The following PDE2A variants were observed in gnomAD, a reference collection of about 807,000 sequenced individuals.
PDE2A encodes phosphodiesterase 2A, also known as cGMP-dependent 3',5'-cyclic phosphodiesterase.
A neutral mutation model predicts 133.6 loss-of-function variants in PDE2A; 53 were observed. The ratio of observed to expected loss-of-function variants is 0.40; its 90% CI spans 0.32 to 0.50. The LOEUF is 0.50. PDE2A is among the 20% of genes least tolerant of loss of function. PDE2A has a pLI of 0.73. For missense variants in PDE2A, 796 were observed against 1,232.4 expected (o/e 0.65, Z 5.30); for synonymous variants, 491 against 490.2 (o/e 1.00, Z -0.02).
chr11:72,601,323 C>A (rs1341917696), intron 4 of PDE2A, among the ~76,000 whole-genome samples: 1 of 140,762 alleles, frequency 7.1e-6, no homozygotes, highest in African/African-American at 2.7e-5. Context: ...GTCACTGGGC[C>A]CCCATCCCCT....
chr11:72,653,317 A>G (rs368594647), intron 1 of PDE2A, among the ~76,000 whole-genome samples: 6 of 152,324 alleles, frequency 3.9e-5, no homozygotes, highest in African/African-American at 1.4e-4. Flanking sequence ...ATAGAGAAAA[A>G]CAAAGGGAGT....
rs367883796 is a variant in PDE2A at position 72,589,172 on chromosome 11, T to C, written c.939+3A>G. The C allele has an allele frequency of 1.9e-6, 3 of 1,612,624 alleles. No homozygotes were observed. The African/African-American group carries it at 4.0e-5, about 22-fold the overall frequency. On this transcript the variant is annotated splice_donor_region_variant and intron_variant, in intron 12 of 30. Transcript: ENST00000334456. ...CCTCTGGGTCAGCCAGGCCATGACT[T>C]ACGGAGGTGAGGTCCTTCAGCTGGA...
At chr11:72,636,290 A>C (rs1383772370) in intron 2 of PDE2A, among the ~76,000 whole-genome samples, 1 of 152,248 alleles carries the variant, frequency 6.6e-6, no homozygotes, top group East Asian at 1.9e-4. Context: ...ACATTAGAAC[A>C]ATCACGCATG....
In PDE2A at chr11:72,590,059, G is replaced by T; in HGVS notation, c.757-78C>A. 1 of 1,422,386 alleles carries T rather than the reference G, an allele frequency of 7.0e-7. No individual in the cohort carries two copies. The highest frequency in any genetic ancestry group is 9.7e-7 in the Non-Finnish European group (1 of 1,033,092). The allele number at this position is 1,422,386 out of a possible 1,614,324, so 88.1% of individuals were successfully genotyped here. A position where few individuals can be genotyped will look rare whatever the true frequency, so the allele number is the denominator to read the frequency against. ...ACTCCCCACCTGCTCCCCTCTCCGG[G>T]GCTCTTCAGGCGGGTGGAGGAGAGA... On this transcript the variant is annotated intron_variant, in intron 9 of 30. Transcript: ENST00000334456. This position sits in a 1 kb window ranked among gnomAD's most constrained non-coding sequence, Gnocchi z 4.8.
chr11:72,674,267 G>T lies in PDE2A; in HGVS notation c.-60C>A. ...GGTGGCACCTCGCCCTGTCCCCGCT[G>T]CCTGGAGTTCAGGGCAGGGCACCCC... On this transcript the variant is annotated 5_prime_UTR_variant, in exon 1 of 31. Coordinates refer to ENST00000334456, the MANE Select transcript of PDE2A (RefSeq NM_002599.5). The T allele has an allele frequency of 1.9e-6, 3 of 1,539,194 alleles. No homozygotes were observed. The highest frequency in any genetic ancestry group is 1.8e-6 in the Non-Finnish European group (2 of 1,137,308).
At chr11:72,674,080 C>T in intron 1 of PDE2A, 57 bp downstream of exon 1, 2 of 1,553,382 alleles carry the variant, frequency 1.3e-6, no homozygotes, top group Non-Finnish European at 1.8e-6. Flanking sequence ...ACTCCCAGGA[C>T]CCTGTCTGTG....
At chr11:72,662,102 G>A (rs1855084170) in intron 1 of PDE2A, among the ~76,000 whole-genome samples, 1 of 152,196 alleles carries the variant, frequency 6.6e-6, no homozygotes, top group Admixed American at 6.5e-5. Context: ...TTGTATGTTT[G>A]TGGCCAGGTC....
chr11:72,658,119 T>TTC (rs1854949239), intron 1 of PDE2A: 1 of 456,128 alleles, frequency 2.2e-6, no homozygotes, highest in Non-Finnish European at 4.4e-6. Flanking sequence ...GCCGGATGTC[T>TTC]TCTCAGCTAA....
At chr11:72,660,535 CTCATTTAA>C in intron 1 of PDE2A, among the ~76,000 whole-genome samples, 1 of 152,148 alleles carries the variant, frequency 6.6e-6, no homozygotes, top group African/African-American at 2.4e-5. Flanking sequence ...CACACTGTGT[CTCATTTAA>C]TCCTCATGGC....
At chr11:72,665,077 G>C (rs1855195590) in intron 1 of PDE2A, among the ~76,000 whole-genome samples, 1 of 152,018 alleles carries the variant, frequency 6.6e-6, no homozygotes, top group African/African-American at 2.4e-5. Context: ...AAGTGCTTGG[G>C]TTACAGGCGC....
chr11:72,615,479 G>A (rs566442911), intron 2 of PDE2A, among the ~76,000 whole-genome samples: 7 of 152,336 alleles, frequency 4.6e-5, no homozygotes, highest in African/African-American at 1.7e-4. Context: ...CAGGAAAGGA[G>A]GGAACAGTCA....
chr11:72,647,946 C>T (rs950362733), intron 1 of PDE2A, among the ~76,000 whole-genome samples: 9 of 152,074 alleles, frequency 5.9e-5, no homozygotes, highest in South Asian at 2.1e-4. Context: ...GGGGTTGGCA[C>T]GGGTGTGTCT....
rs1854766404 is a variant in PDE2A at position 72,652,449 on chromosome 11, GGCC to G, written c.72-10126_72-10124del. ...TTCTGGCAGAACCATTTCCAGATAT[GGCC>G]CCTGGTCCTCCCTAAATACTCCAGC... On this transcript the variant is annotated intron_variant, in intron 1 of 30. Transcript: ENST00000334456. 26 of 452,348 alleles carry G rather than the reference GGCC, an allele frequency of 5.7e-5. 1 individual carries two copies. Among genetic ancestry groups the G allele is most frequent in the South Asian group, 2.6e-4 (17 of 64,172 alleles). 28.0% of individuals were successfully genotyped at this position (452,348 alleles called of 1,614,324 possible). A position where few individuals can be genotyped will look rare whatever the true frequency, so the allele number is the denominator to read the frequency against.
intron 2 of PDE2A, among the ~76,000 whole-genome samples, chr11:72,627,376 A>G (rs1171179463): frequency 6.6e-6 from 1 of 152,170 alleles, no homozygotes; most frequent in Non-Finnish European, 1.5e-5. Flanking sequence ...AAGGGAGGAG[A>G]CTGGCTCGGC....
chr11:72,598,574 C>T (rs1264699363), intron 4 of PDE2A: 1 of 1,289,098 alleles, frequency 7.8e-7, no homozygotes, highest in Non-Finnish European at 1.0e-6. Context: ...CCTCATGCTG[C>T]CTCCACTTAA....
intron 1 of PDE2A, among the ~76,000 whole-genome samples, chr11:72,670,204 G>A (rs1031219128): frequency 6.6e-6 from 1 of 150,438 alleles, no homozygotes; most frequent in Admixed American, 6.6e-5. Flanking sequence ...TATAAGGCCA[G>A]CCCCAATGGC....
At chr11:72,584,817 G>A (rs1855889157) in intron 17 of PDE2A, 55 bp downstream of exon 17, 1 of 1,608,896 alleles carries the variant, frequency 6.2e-7, no homozygotes, top group Non-Finnish European at 8.5e-7. Context: ...CCCCAGCGCC[G>A]CCGGCGGACT....
intron 1 of PDE2A, chr11:72,669,043 G>T: frequency 1.2e-6 from 1 of 801,104 alleles, no homozygotes; most frequent in Non-Finnish European, 1.5e-6. Context: ...CAGGGGCTAA[G>T]CTCTGCACTT....
chr11:72,670,356 AATG>A (rs2135467832), intron 1 of PDE2A, among the ~76,000 whole-genome samples: 1 of 152,272 alleles, frequency 6.6e-6, no homozygotes, highest in East Asian at 1.9e-4. Flanking sequence ...TGAATGAATG[AATG>A]ATGAGTCCTG....
Sources: allele counts gnomAD v4.1 joint callset (sites outside exome capture counted in the v4.1 genomes callset), GRCh38; gene constraint gnomAD v4.1.1; non-coding constraint Gnocchi (gnomAD v3.1); transcripts MANE v1.5; gene names NCBI Gene and HGNC (gene_info 2026-07-23, HGNC 2026-07-21).